CASQ2: variants seen among roughly 807,000 people sequenced by gnomAD.
CASQ2 encodes calsequestrin 2, also known as calsequestrin-2.
Under a neutral mutation model 46.5 loss-of-function variants are expected in CASQ2, and 49 were observed. That is an observed-to-expected ratio of 1.05 (90% CI 0.84 to 1.34). The LOEUF (loss-of-function observed/expected upper bound fraction) is 1.34, where lower values mean the gene tolerates loss of function less well. CASQ2 is among the 40% of genes most tolerant of loss of function. The probability of loss-of-function intolerance (pLI) is 0.00; values close to 1 mark genes in which losing one functional copy is unlikely to be tolerated. For synonymous variants in CASQ2, 174 were observed against 168.5 expected (o/e 1.03, Z -0.25); for missense variants, 486 against 481.3 (o/e 1.01, Z -0.09).
chr1:115,765,303 C>G (rs1351689641), intron 1 of CASQ2, among the ~76,000 whole-genome samples: 1 of 152,192 alleles, frequency 6.6e-6, no homozygotes, highest in Non-Finnish European at 1.5e-5. Flanking sequence ...ATTTCAAGTG[C>G]CCCTCATCAG....
intron 7 of CASQ2, among the ~76,000 whole-genome samples, chr1:115,725,077 A>AT (rs1269324042): frequency 2.0e-5 from 3 of 151,754 alleles, no homozygotes; most frequent in East Asian, 3.9e-4. Context: ...GTTTTGTTTC[A>AT]TTTTTTTGAA....
At position 115,717,896 on chromosome 1, in the gene CASQ2, T is replaced by C; in HGVS notation, c.784-2A>G. ...GTGGATCCCATTCAAATCATCTTCC[T>C]GTATGAGAAAAGTAACAAAAGTTAC... On this transcript the variant is annotated splice_acceptor_variant, in intron 7 of 10. Coordinates refer to ENST00000261448, the MANE Select transcript of CASQ2 (RefSeq NM_001232.4). LOFTEE classifies it high-confidence loss of function. 6.2e-7 allele frequency: 1 copy of C among 1,606,368 alleles called. No homozygotes were observed.
chr1:115,746,043 C>A (rs867464185), intron 1 of CASQ2, among the ~76,000 whole-genome samples: 1 of 152,148 alleles, frequency 6.6e-6, no homozygotes, highest in South Asian at 2.1e-4. Flanking sequence ...ATAATTTTGT[C>A]ATTTCAAGAA....
At chr1:115,735,650 T>C (rs1481099239) in intron 4 of CASQ2, among the ~76,000 whole-genome samples, 1 of 152,254 alleles carries the variant, frequency 6.6e-6, no homozygotes, top group Non-Finnish European at 1.5e-5. Flanking sequence ...AAGGAAAAGC[T>C]TCATTATTAT....
Position 115,705,290 on chromosome 1 carries a change from C to A in CASQ2, c.841G>T (p.Gly281Cys). 3.1e-6 allele frequency: 5 copies of A among 1,607,220 alleles called. No homozygotes were observed. The highest frequency in any genetic ancestry group is 3.4e-6 in the Non-Finnish European group (4 of 1,173,756). Residue 281 changes from glycine (G) to cysteine (C), a missense_variant and splice_region_variant, in exon 9 of 11, where the codon GGC becomes TGC. Transcript: ENST00000261448. ...VAFAEKSDPD[G>C]YEFLEILKQV... ...TTCAGGATCTCCAGGAATTCGTAGC[C>A]ATCTGAAACAGGATTCAAGAGAGTT...
Position 115,744,898 on chromosome 1 carries a change from G to A in CASQ2, c.249C>T (p.Val83=), listed in dbSNP as rs1468528246. The A allele has an allele frequency of 2.5e-6, 4 of 1,612,988 alleles. No individual in the cohort carries two copies. In the Admixed American group the frequency reaches 5.0e-5, roughly 20 times the overall value. The change falls in exon 2 of 11, where the codon GTC becomes GTT. Residue 83 remains valine (V), a synonymous_variant. Transcript: ENST00000261448. ...CAAAGCCTATAGCTTTATGTTCAAG[G>A]ACCTGGGCCACAAGCTGAAGAAACA... ...KEIVLELVAQ[V]LEHKAIGFVM...
At chr1:115,733,353 T>C (rs1459320804) in intron 4 of CASQ2, among the ~76,000 whole-genome samples, 4 of 152,300 alleles carry the variant, frequency 2.6e-5, no homozygotes, top group Admixed American at 2.6e-4. Context: ...GAGAGTGCAG[T>C]TTGCCAGAAT....
chr1:115,718,535 G>A (rs924751464), intron 7 of CASQ2, among the ~76,000 whole-genome samples: 1 of 152,208 alleles, frequency 6.6e-6, no homozygotes, highest in Admixed American at 6.5e-5. Context: ...CATGTAGTGT[G>A]TAGGGGACAC....
At chr1:115,745,370 C>T (rs1648353239) in intron 1 of CASQ2, among the ~76,000 whole-genome samples, 1 of 116,728 alleles carries the variant, frequency 8.6e-6, no homozygotes, top group Non-Finnish European at 2.2e-5. Flanking sequence ...CGCTCAATTC[C>T]CCCACTCCTG....
At chr1:115,753,471 G>C (rs1056020562) in intron 1 of CASQ2, among the ~76,000 whole-genome samples, 1 of 149,024 alleles carries the variant, frequency 6.7e-6, no homozygotes, top group Non-Finnish European at 1.5e-5. Context: ...GTAAGTCACG[G>C]GTGACCTTTT....
At chr1:115,719,705 G>A (rs1484621839) in intron 7 of CASQ2, among the ~76,000 whole-genome samples, 1 of 152,148 alleles carries the variant, frequency 6.6e-6, no homozygotes, top group Non-Finnish European at 1.5e-5. Flanking sequence ...GAACCCATGG[G>A]CAAGCTGGCA....
At chr1:115,739,141 A>T (rs1265305082) in intron 3 of CASQ2, among the ~76,000 whole-genome samples, 4 of 22,398 alleles carry the variant, frequency 1.8e-4, no homozygotes, top group African/African-American at 2.3e-4. Flanking sequence ...AGATGGAGTC[A>T]TGCTGTGTTG....
At chr1:115,768,179 A>C (rs1279613728) in intron 1 of CASQ2, 129 bp downstream of exon 1, 4 of 721,276 alleles carry the variant, frequency 5.5e-6, no homozygotes, top group Admixed American at 1.9e-5. Context: ...GATTCACGTG[A>C]GGCCAAAATA....
chr1:115,708,646 C>G (rs1451938222), intron 8 of CASQ2, among the ~76,000 whole-genome samples: 2 of 152,240 alleles, frequency 1.3e-5, no homozygotes, highest in Admixed American at 6.5e-5. Context: ...AGCACTTGGA[C>G]AGTGCCTGGC....
In CASQ2 at chr1:115,705,205, T is replaced by C. The variant is rs72703607; in HGVS notation, c.926A>G (p.Asp309Gly). 1.2e-6 allele frequency: 2 copies of C among 1,612,278 alleles called. No homozygotes were observed. The highest frequency in any genetic ancestry group is 1.7e-6 in the Non-Finnish European group (2 of 1,178,262). Residue 309 changes from aspartate to glycine, a missense_variant, in exon 9 of 11, where the codon GAC (aspartate) becomes GGC (glycine). Physicochemically the swap from Asp to Gly is moderately conservative, Grantham distance 94. Coordinates refer to ENST00000261448, the MANE Select transcript of CASQ2 (RefSeq NM_001232.4). ...PDLSILWIDPDDFPLLVAYWE... is the reference protein window; with the variant it reads ...PDLSILWIDPGDFPLLVAYWE... ...GGAGCCACTCACCAGAGGAAAGTCG[T>C]CCGGGTCGATCCACAGGATGCTCAG...
chr1:115,731,925 A>G (rs1033985737), intron 5 of CASQ2, among the ~76,000 whole-genome samples: 2 of 152,086 alleles, frequency 1.3e-5, no homozygotes, highest in Non-Finnish European at 2.9e-5. Flanking sequence ...TTATATTTTT[A>G]TTTTTTGAGA....
At chr1:115,764,896 G>A (rs1336380933) in intron 1 of CASQ2, among the ~76,000 whole-genome samples, 1 of 152,126 alleles carries the variant, frequency 6.6e-6, no homozygotes, top group Admixed American at 6.5e-5. Flanking sequence ...TAAGTAATTG[G>A]CAACATCTCA....
At chr1:115,725,657 G>C in intron 6 of CASQ2, 104 bp from the exon 7 acceptor site, 1 of 1,430,798 alleles carries the variant, frequency 7.0e-7, no homozygotes, top group East Asian at 2.3e-5. Flanking sequence ...ATGAGATGAT[G>C]CTTCCTTTGC....
intron 2 of CASQ2, among the ~76,000 whole-genome samples, chr1:115,744,366 T>G (rs1299394464): frequency 3.3e-5 from 5 of 152,142 alleles, no homozygotes; most frequent in Admixed American, 3.3e-4. Flanking sequence ...GGTTTAACCT[T>G]AAATTTAAAA....
Sources: allele counts gnomAD v4.1 joint callset (sites outside exome capture counted in the v4.1 genomes callset), GRCh38; gene constraint gnomAD v4.1.1; transcripts MANE v1.5; gene names NCBI Gene and HGNC (gene_info 2026-07-23, HGNC 2026-07-21).